The following SRPK2 variants were observed in gnomAD, a reference collection of about 807,000 sequenced individuals.
SRPK2 encodes SRSF protein kinase 2.
A neutral mutation model predicts 90.8 loss-of-function variants in SRPK2; 21 were observed. The ratio of observed to expected loss-of-function variants is 0.23; its 90% CI spans 0.16 to 0.33. The LOEUF is 0.33. Ranked by LOEUF, SRPK2 falls within the 10% of genes least tolerant of loss-of-function variation. SRPK2 has a pLI of 1.00. For missense variants in SRPK2, 620 were observed against 869.0 expected (o/e 0.71, Z 3.60); for synonymous variants, 288 against 311.1 (o/e 0.93, Z 0.78).
chr7:105,354,077 CTTCG>C (rs1817520286), intron 2 of SRPK2, among the ~76,000 whole-genome samples: 3 of 152,206 alleles, frequency 2.0e-5, no homozygotes, highest in Admixed American at 2.0e-4. Flanking sequence ...TCTGCCTGGC[CTTCG>C]AGGAGCAGCC....
At chr7:105,389,015 G>T, upstream of SRPK2, 6 of 928,386 alleles carry the variant, frequency 6.5e-6, no homozygotes, top group Non-Finnish European at 7.4e-6. Flanking sequence ...GCCGGCCCCG[G>T]GGGTCGGGAC....
intron 2 of SRPK2, among the ~76,000 whole-genome samples, chr7:105,282,773 A>G (rs1807517568): frequency 6.6e-6 from 1 of 152,204 alleles, no homozygotes; most frequent in African/African-American, 2.4e-5. Context: ...TGGGCAACAG[A>G]GTGAGACTCT....
intron 2 of SRPK2, among the ~76,000 whole-genome samples, chr7:105,376,080 G>A (rs954925201): frequency 4.0e-5 from 5 of 124,060 alleles, no homozygotes; most frequent in East Asian, 2.8e-4. Flanking sequence ...TGCAAGCTCC[G>A]CCTTCCCAGG....
intron 2 of SRPK2, among the ~76,000 whole-genome samples, chr7:105,276,894 T>C (rs533258548): frequency 6.6e-6 from 1 of 152,260 alleles, no homozygotes; most frequent in East Asian, 1.9e-4. Context: ...TTTCCAGGTG[T>C]TCAGTGGGAT....
At chr7:105,216,331 A>T (rs1198630141) in intron 2 of SRPK2, among the ~76,000 whole-genome samples, 1 of 152,182 alleles carries the variant, frequency 6.6e-6, no homozygotes, top group Non-Finnish European at 1.5e-5. Context: ...CACTGGATGG[A>T]GCAACAAGCC....
chr7:105,396,792 AAG>A lies in SRPK2; in HGVS notation n.153+2362_153+2363del, dbSNP rs1210884376. The stretch of plus-strand genomic sequence containing the variant: ...AGAAAGAAAGAGAGAGAAAGAAAGA[AAG>A]AGAAAGAGAAAGAAAGAAAGAGAGA... On this transcript the variant is annotated intron_variant and non_coding_transcript_variant, in intron 1 of 3. Transcript: ENST00000462282. Among the ~76,000 whole-genome samples the A allele has an allele frequency of 2.2e-3, 268 of 120,384 alleles. 1 individual carries two copies. Among genetic ancestry groups the A allele is most frequent in the Middle Eastern group, 7.8e-3 (2 of 256 alleles). The allele number at this position is 120,384 out of a possible 152,430, so 79.0% of individuals were successfully genotyped here. A position where few individuals can be genotyped will look rare whatever the true frequency, so the allele number is the denominator to read the frequency against.
intron 6 of SRPK2, 21 bp from the exon 7 acceptor site, chr7:105,160,634 G>A (rs555387561): frequency 7.6e-6 from 11 of 1,456,604 alleles, no homozygotes; most frequent in East Asian, 4.5e-5. Flanking sequence ...GTTAAGGATC[G>A]TTTGTGGATG....
At chr7:105,327,369 G>A (rs1404452158) in intron 2 of SRPK2, among the ~76,000 whole-genome samples, 1 of 152,146 alleles carries the variant, frequency 6.6e-6, no homozygotes, top group Non-Finnish European at 1.5e-5. Flanking sequence ...CACTACAATG[G>A]CAGAGTTAAG....
At chr7:105,150,809 T>C (rs1457788016) in intron 7 of SRPK2, among the ~76,000 whole-genome samples, 3 of 152,216 alleles carry the variant, frequency 2.0e-5, no homozygotes, top group African/African-American at 7.2e-5. Flanking sequence ...TGAAAAATCG[T>C]TTTCCAACTA....
chr7:105,143,016 G>T, intron 10 of SRPK2, 68 bp downstream of exon 10: 1 of 1,552,320 alleles, frequency 6.4e-7, no homozygotes, highest in South Asian at 1.2e-5. Flanking sequence ...CCCCCATGTT[G>T]ACCTGGCAGA....
intron 2 of SRPK2, among the ~76,000 whole-genome samples, chr7:105,321,976 T>G (rs1812989062): frequency 1.3e-5 from 2 of 152,102 alleles, no homozygotes; most frequent in Non-Finnish European, 2.9e-5. Context: ...AACTAGTACT[T>G]CAAATAATAT....
At chr7:105,374,007 A>T (rs990477745) in intron 2 of SRPK2, among the ~76,000 whole-genome samples, 2 of 152,160 alleles carry the variant, frequency 1.3e-5, no homozygotes, top group African/African-American at 2.4e-5. Context: ...GGCTCCCTGC[A>T]ACGTCTACCT....
intron 2 of SRPK2, among the ~76,000 whole-genome samples, chr7:105,379,929 G>A (rs1472681932): frequency 6.6e-6 from 1 of 152,064 alleles, no homozygotes; most frequent in Non-Finnish European, 1.5e-5. Context: ...AGTGAGCTGA[G>A]ATAGCGCCAC....
intron 2 of SRPK2, among the ~76,000 whole-genome samples, chr7:105,303,983 T>G (rs1210854839): frequency 6.6e-6 from 1 of 152,220 alleles, no homozygotes; most frequent in East Asian, 1.9e-4. Flanking sequence ...AGAGTTGACT[T>G]CAAAAGTTTT....
chr7:105,167,303 G>C, intron 6 of SRPK2, 74 bp downstream of exon 6: 1 of 1,269,278 alleles, frequency 7.9e-7, no homozygotes, highest in Non-Finnish European at 1.1e-6. Context: ...GCAGTAAACA[G>C]AGATTATAGG....
At chr7:105,137,487 TA>T (rs5886345) in intron 11 of SRPK2, among the ~76,000 whole-genome samples, 55,913 of 151,938 alleles carry the variant, frequency 0.37, 11,727 homozygotes, top group African/African-American at 0.58. Context: ...GAGGCTGTGT[TA>T]ACAGTAGCCT....
At chr7:105,353,793 A>G (rs969286824) in intron 2 of SRPK2, among the ~76,000 whole-genome samples, 1 of 152,218 alleles carries the variant, frequency 6.6e-6, no homozygotes, top group Non-Finnish European at 1.5e-5. Context: ...AAGACAGGAC[A>G]AACTAAAGAA....
chr7:105,207,632 AAAAT>A (rs1354397583), intron 2 of SRPK2, among the ~76,000 whole-genome samples: 2 of 152,352 alleles, frequency 1.3e-5, no homozygotes, highest in African/African-American at 4.8e-5. Flanking sequence ...ACTCATATGC[AAAAT>A]AAATAAAGTT....
intron 2 of SRPK2, among the ~76,000 whole-genome samples, chr7:105,226,582 C>G (rs1163365805): frequency 6.6e-6 from 1 of 152,070 alleles, no homozygotes; most frequent in Admixed American, 6.5e-5. Flanking sequence ...GCCACCATGC[C>G]GGGCCAAAAT....
Sources: gnomAD v4.1 joint callset for allele counts (sites outside exome capture counted in the v4.1 genomes callset) on GRCh38, gnomAD v4.1.1 for gene constraint, MANE v1.5 for transcripts, NCBI Gene and HGNC (gene_info 2026-07-23, HGNC 2026-07-21) for gene names.